Variants in RABGEF1 observed in about 807,000 individuals in gnomAD.
The protein encoded by RABGEF1 is rab5 GDP/GTP exchange factor.
In RABGEF1, 26 loss-of-function variants were observed where a neutral mutation model predicts 57.3. The ratio of observed to expected loss-of-function variants is 0.45; its 90% CI spans 0.33 to 0.63. The LOEUF (loss-of-function observed/expected upper bound fraction) is 0.63, where lower values mean the gene tolerates loss of function less well. Among genes scored for constraint, RABGEF1 ranks in the 20% least tolerant of loss-of-function variants. The pLI is 0.02. For synonymous variants in RABGEF1, 185 were observed against 210.7 expected (o/e 0.88, Z 1.06); for missense variants, 464 against 607.6 (o/e 0.76, Z 2.48).
upstream of RABGEF1, among the ~76,000 whole-genome samples, chr7:66,736,122 G>A (rs1272063218): frequency 1.3e-5 from 2 of 152,084 alleles, no homozygotes; most frequent in Admixed American, 6.6e-5. Flanking sequence ...AAAAAACAAA[G>A]CCTCAGTGGG....
intron 1 of RABGEF1, among the ~76,000 whole-genome samples, chr7:66,754,563 G>A (rs927924686): frequency 6.6e-6 from 1 of 151,966 alleles, no homozygotes; most frequent in Non-Finnish European, 1.5e-5. Flanking sequence ...GGCCAACAGG[G>A]TGAGACCTTG....
intron 1 of RABGEF1, among the ~76,000 whole-genome samples, chr7:66,754,259 C>T (rs1244435765): frequency 6.6e-6 from 1 of 152,044 alleles, no homozygotes; most frequent in Non-Finnish European, 1.5e-5. Context: ...ACCTTGGCCT[C>T]CCAAAGTGCT....
At chr7:66,785,025 A>G (rs1468037109) in intron 4 of RABGEF1, among the ~76,000 whole-genome samples, 2 of 152,196 alleles carry the variant, frequency 1.3e-5, no homozygotes, top group African/African-American at 4.8e-5. Context: ...AAGTTAGTGT[A>G]TGTATACTGT....
At chr7:66,697,734 A>T (rs552099612) in intron 1 of RABGEF1, among the ~76,000 whole-genome samples, 1 of 152,110 alleles carries the variant, frequency 6.6e-6, no homozygotes, top group Non-Finnish European at 1.5e-5. Flanking sequence ...GGGGGTGTTC[A>T]TGTTTGAAGT....
intron 1 of RABGEF1, among the ~76,000 whole-genome samples, chr7:66,745,537 T>G (rs1466832992): frequency 6.6e-6 from 1 of 151,936 alleles, no homozygotes; most frequent in Non-Finnish European, 1.5e-5. Flanking sequence ...GAGGCTGAGG[T>G]GGGCAGATCA....
chr7:66,674,796 G>A, the RABGEF1 span, among the ~76,000 whole-genome samples: 4 of 151,924 alleles, frequency 2.6e-5, no homozygotes, highest in African/African-American at 9.7e-5. Context: ...TGCTTCCGTA[G>A]GGATTAACTG....
intron 1 of RABGEF1, among the ~76,000 whole-genome samples, chr7:66,757,195 AT>A (rs1289636645): frequency 6.6e-6 from 1 of 152,258 alleles, no homozygotes; most frequent in South Asian, 2.1e-4. Context: ...TGTGGATTAT[AT>A]TTTCTCATTA....
intron 1 of RABGEF1, among the ~76,000 whole-genome samples, chr7:66,709,883 T>C (rs925256913): frequency 2.0e-5 from 3 of 152,190 alleles, no homozygotes; most frequent in Non-Finnish European, 2.9e-5. Flanking sequence ...CTAGAAACAA[T>C]TGGGTATACC....
At chr7:66,680,605 A>T (rs1436764017), upstream of RABGEF1, among the ~76,000 whole-genome samples, 3 of 152,034 alleles carry the variant, frequency 2.0e-5, no homozygotes, top group African/African-American at 7.2e-5. Flanking sequence ...CCTAGGAAGA[A>T]TTTGAGAAAC....
At chr7:66,703,290 T>A (rs1013724692) in intron 1 of RABGEF1, among the ~76,000 whole-genome samples, 1 of 152,186 alleles carries the variant, frequency 6.6e-6, no homozygotes, top group Non-Finnish European at 1.5e-5. Context: ...AGTTTTTTAT[T>A]TGGATGAAGT....
chr7:66,758,430 A>G (rs3800811), intron 1 of RABGEF1, among the ~76,000 whole-genome samples: 5,504 of 152,304 alleles, frequency 0.036, 153 homozygotes, highest in East Asian at 0.075. Context: ...AAGTGGGACC[A>G]ATTGAATTGT....
chr7:66,724,787 G>A (rs1796420187), intron 2 of RABGEF1, among the ~76,000 whole-genome samples: 1 of 152,196 alleles, frequency 6.6e-6, no homozygotes, highest in African/African-American at 2.4e-5. Flanking sequence ...CCAATTATAT[G>A]TGTGTTGGAT....
the RABGEF1 span, among the ~76,000 whole-genome samples, chr7:66,660,588 A>C: frequency 6.6e-6 from 1 of 150,776 alleles, no homozygotes; most frequent in East Asian, 2.0e-4. Context: ...TTCGGAGTGC[A>C]CTCCATTGCA....
chr7:66,775,402 C>G lies in RABGEF1; in HGVS notation c.346+9C>G, dbSNP rs200120070. The stretch of plus-strand genomic sequence containing the variant: ...GGTCGGATCAAAGAAGGGTAATGTT[C>G]TGATACTCTTTTTTTTCTTCTCTGC... On this transcript the variant is annotated intron_variant, in intron 3 of 8. Transcript: ENST00000284957. 648 of 1,611,888 alleles carry G rather than the reference C, an allele frequency of 4.0e-4. 1 individual carries two copies. The East Asian group carries it at 5.0e-3, about 12-fold the overall frequency.
At chr7:66,732,689 C>T (rs1299348055) in intron 2 of RABGEF1, among the ~76,000 whole-genome samples, 1 of 152,070 alleles carries the variant, frequency 6.6e-6, no homozygotes, top group East Asian at 1.9e-4. Context: ...ACAAGCTGCG[C>T]TCTTGTGCTC....
intron 4 of RABGEF1, among the ~76,000 whole-genome samples, chr7:66,787,950 A>G (rs1811601733): frequency 6.6e-6 from 1 of 152,218 alleles, no homozygotes; most frequent in African/African-American, 2.4e-5. Context: ...GACTGCAATT[A>G]AATAAAAGTA....
At chr7:66,700,058 C>T (rs1473547802) in intron 1 of RABGEF1, among the ~76,000 whole-genome samples, 2 of 152,216 alleles carry the variant, frequency 1.3e-5, no homozygotes, top group African/African-American at 4.8e-5. Flanking sequence ...CCCCCAAGTT[C>T]CTGGCCCAGA....
intron 1 of RABGEF1, among the ~76,000 whole-genome samples, chr7:66,756,276 C>T (rs991791122): frequency 5.9e-5 from 9 of 152,038 alleles, no homozygotes; most frequent in African/African-American, 1.9e-4. Flanking sequence ...AATTAAAGTT[C>T]GATAATGCTA....
At chr7:66,721,139 G>A (rs141568184) in intron 2 of RABGEF1, among the ~76,000 whole-genome samples, 5 of 152,174 alleles carry the variant, frequency 3.3e-5, no homozygotes, top group South Asian at 2.1e-4. Context: ...GGCTGCTCTC[G>A]AACTCCCGAG....
Sources: gnomAD v4.1 joint callset for allele counts (sites outside exome capture counted in the v4.1 genomes callset) on GRCh38, gnomAD v4.1.1 for gene constraint, MANE v1.5 for transcripts, NCBI Gene and HGNC (gene_info 2026-07-23, HGNC 2026-07-21) for gene names.